The following RETREG3 variants were observed in gnomAD, a reference collection of about 807,000 sequenced individuals.
RETREG3 encodes reticulophagy regulator 3.
A neutral mutation model predicts 50.2 loss-of-function variants in RETREG3; 23 were observed. The observed-to-expected ratio is 0.46, with a 90% CI of 0.33 to 0.65. RETREG3 has a LOEUF of 0.65. Among genes scored for constraint, RETREG3 ranks in the 30% least tolerant of loss-of-function variants. RETREG3 has a pLI of 0.02. For missense variants in RETREG3, 546 were observed against 598.0 expected (o/e 0.91, Z 0.91); for synonymous variants, 240 against 234.4 (o/e 1.02, Z -0.22).
intron 1 of RETREG3, among the ~76,000 whole-genome samples, chr17:42,595,146 T>C (rs2093141611): frequency 6.6e-6 from 1 of 150,858 alleles, no homozygotes; most frequent in Non-Finnish European, 1.5e-5. Flanking sequence ...TTTTTGTATT[T>C]TTAGTAGAGA....
chr17:42,608,566 G>A (rs186560180), intron 1 of RETREG3: 314 of 152,460 alleles, frequency 2.1e-3, no homozygotes, highest in Non-Finnish European at 3.8e-3. Context: ...GGCTCACACT[G>A]ACGCTTAGAC....
chr17:42,591,057 A>T (rs2093132170), intron 2 of RETREG3, among the ~76,000 whole-genome samples: 1 of 152,226 alleles, frequency 6.6e-6, no homozygotes. Context: ...ATGAACCTTC[A>T]TCCTGGCCAT....
In RETREG3 at chr17:42,585,071, TCTC is replaced by T. The variant is rs1414156939; in HGVS notation, c.727+51_727+53del. 18 of 1,597,602 alleles carry T rather than the reference TCTC, an allele frequency of 1.1e-5. No homozygotes were observed. The Admixed American group carries it at 2.5e-4, about 22-fold the overall frequency. Reference sequence around the variant, plus strand: ...ACCCAGTATGTCAGACCTATGGGCTTCTCCTTTTCGCCCCAAATTGCGTAAGTG... The same window carrying T: ...ACCCAGTATGTCAGACCTATGGGCTTCTTTTCGCCCCAAATTGCGTAAGTG... On this transcript the variant is annotated intron_variant, in intron 6 of 8. Coordinates refer to ENST00000309428, the MANE Select transcript of RETREG3 (RefSeq NM_178126.4).
intron 2 of RETREG3, among the ~76,000 whole-genome samples, chr17:42,591,172 A>T (rs573122834): frequency 4.6e-5 from 7 of 152,316 alleles, no homozygotes; most frequent in Non-Finnish European, 8.8e-5. Flanking sequence ...AATCTGTTCA[A>T]ATCTTTTGCT....
intron 2 of RETREG3, among the ~76,000 whole-genome samples, chr17:42,591,211 T>C (rs1030127960): frequency 6.6e-6 from 1 of 152,230 alleles, no homozygotes; most frequent in Non-Finnish European, 1.5e-5. Flanking sequence ...AGGGAAAAAA[T>C]ACATGCTAAG....
intron 7 of RETREG3, among the ~76,000 whole-genome samples, chr17:42,583,192 T>A (rs931870595): frequency 3.9e-5 from 6 of 152,132 alleles, no homozygotes; most frequent in African/African-American, 1.4e-4. Flanking sequence ...GACCCAAGGG[T>A]GAACTGGGCT....
rs533786225 is a variant in RETREG3, at chr17:42,604,719, C to T, written c.239+4367G>A. Among the ~76,000 whole-genome samples, 14 of 126,536 alleles carry T rather than the reference C, an allele frequency of 1.1e-4. No individual in the cohort carries two copies. The South Asian group carries it at 3.1e-3, about 28-fold the overall frequency. 83.0% of individuals were successfully genotyped at this position (126,536 alleles called of 152,430 possible). On this transcript the variant is annotated intron_variant, in intron 1 of 8. Coordinates refer to ENST00000309428, the MANE Select transcript of RETREG3 (RefSeq NM_178126.4). ...CAAAAAAAAAAAAAAAAAAAAAAAA[C>T]TGAAAGAGCTCAGCAGTTATGTAGG... is the stretch of plus-strand genomic sequence containing the variant.
At position 42,585,142 on chromosome 17, in the gene RETREG3, T is replaced by A; in HGVS notation, c.710A>T (p.Lys237Met). The A allele has an allele frequency of 6.2e-7, 1 of 1,613,420 alleles. No individual in the cohort carries two copies. Among genetic ancestry groups the A allele is most frequent in the Non-Finnish European group, 8.5e-7 (1 of 1,180,008 alleles). The change falls in exon 6 of 9, where the codon AAG becomes ATG. Residue 237 changes from lysine (K) to methionine (M), a missense_variant. By Grantham distance (95) the Lys-to-Met change is moderately conservative. Transcript: ENST00000309428. ...ACACTTACATTGTCTCTCTCTCTGC[T>A]TGGACATCATGTAGCCACGGACACT... is the stretch of plus-strand genomic sequence containing the variant. ...DFSVRGYMMS[K>M]QRERQLRRRA... is the part of the protein sequence containing the mutation.
Position 42,581,955 on chromosome 17 carries a change from C to G in RETREG3, c.1259G>C (p.Gly420Ala). 1.9e-6 allele frequency: 3 copies of G among 1,614,084 alleles called. No individual in the cohort carries two copies. Among genetic ancestry groups the G allele is most frequent in the Non-Finnish European group, 2.5e-6 (3 of 1,180,014 alleles). ...TCTCGTTGCTCTCTGGGCAGGTGCT[C>G]CAGAAGGGCCTGGTTGGGAGGCCCC... The part of the protein sequence containing the change: ...LSGASQPGPS[G>A]APAQRATRGF... Residue 420 changes from glycine to alanine, a missense_variant, in exon 9 of 9, where the codon GGA becomes GCA. By Grantham distance (60) the Gly-to-Ala change is moderately conservative. Transcript: ENST00000309428.
chr17:42,597,590 TATATATATATATATATATATATATATATA>T lies in RETREG3; in HGVS notation c.240-5457_240-5429del, dbSNP rs2093148679. Among the ~76,000 whole-genome samples, 4 of 7,296 alleles carry T rather than the reference TATATATATATATATATATATATATATATA, an allele frequency of 5.5e-4. 1 individual carries two copies. The highest frequency in any genetic ancestry group is 1.4e-3 in the Non-Finnish European group (4 of 2,950). 4.8% of individuals were successfully genotyped at this position (7,296 alleles called of 152,430 possible). A position where few individuals can be genotyped will look rare whatever the true frequency, so the allele number is the denominator to read the frequency against. On this transcript the variant is annotated intron_variant, in intron 1 of 8. Coordinates refer to ENST00000309428, the MANE Select transcript of RETREG3 (RefSeq NM_178126.4). Reference sequence around the variant, plus strand: ...TATATATATTTTGTGTGTATATATATATATATATATATATATATATATATATATATTTTTTTTTTTTTTTTTTTTTTTTT... The same window carrying T: ...TATATATATTTTGTGTGTATATATATTTTTTTTTTTTTTTTTTTTTTTTTT...
intron 2 of RETREG3, among the ~76,000 whole-genome samples, chr17:42,590,322 G>C (rs1478848771): frequency 6.6e-6 from 1 of 152,148 alleles, no homozygotes; most frequent in Non-Finnish European, 1.5e-5. Context: ...AGTGAGCTAT[G>C]ATCATGCCAC....
intron 2 of RETREG3, among the ~76,000 whole-genome samples, chr17:42,590,333 T>C (rs562637144): frequency 5.1e-4 from 77 of 152,216 alleles, no homozygotes; most frequent in African/African-American, 1.8e-3. Flanking sequence ...ATCATGCCAC[T>C]GTACTCCAAA....
chr17:42,607,204 G>A (rs1356467267), intron 1 of RETREG3, among the ~76,000 whole-genome samples: 1 of 151,844 alleles, frequency 6.6e-6, no homozygotes, highest in Non-Finnish European at 1.5e-5. Context: ...TAGGGGTCAA[G>A]GAAGAAGCAC....
At chr17:42,596,359 C>CAAAAAAAAAA (rs60457978) in intron 1 of RETREG3, among the ~76,000 whole-genome samples, 39 of 64,714 alleles carry the variant, frequency 6.0e-4, no homozygotes, top group African/African-American at 1.7e-3. Flanking sequence ...GACCCTTTCT[C>CAAAAAAAAAA]AAAAAAAAAA....
intron 2 of RETREG3, among the ~76,000 whole-genome samples, chr17:42,590,084 G>A (rs1192044526): frequency 1.3e-5 from 2 of 152,094 alleles, no homozygotes; most frequent in Non-Finnish European, 2.9e-5. Flanking sequence ...CACGCCTGTC[G>A]TCCCAGCTAC....
At position 42,585,244 on chromosome 17, in the gene RETREG3, C is replaced by G; in HGVS notation, c.608G>C (p.Trp203Ser). The G allele has an allele frequency of 6.2e-7, 1 of 1,613,814 alleles. No homozygotes were observed. Among genetic ancestry groups the G allele is most frequent in the Non-Finnish European group, 8.5e-7 (1 of 1,179,918 alleles). ...CAGTCGGTGGTACACAGCAAGGGGC[C>G]ACATCATGACAGTGACAACTGTGAG... is the stretch of plus-strand genomic sequence containing the variant. The part of the protein sequence containing the change: ...SYLMLVTVMM[W>S]PLAVYHRLWD... Residue 203 changes from tryptophan (W) to serine (S), a missense_variant, in exon 6 of 9, where the codon TGG becomes TCG. Coordinates refer to ENST00000309428, the MANE Select transcript of RETREG3 (RefSeq NM_178126.4).
chr17:42,601,297 A>G (rs2093157930), intron 1 of RETREG3, among the ~76,000 whole-genome samples: 1 of 148,240 alleles, frequency 6.7e-6, no homozygotes, highest in African/African-American at 2.5e-5. Flanking sequence ...AAATAAACTA[A>G]GACGGTGGCT....
rs1384678822 is a variant in RETREG3, at chr17:42,586,829, A to C, written c.440T>G (p.Val147Gly). 2 of 1,614,070 alleles carry C rather than the reference A, an allele frequency of 1.2e-6. No homozygotes were observed. Among genetic ancestry groups the C allele is most frequent in the African/African-American group, 1.3e-5 (1 of 74,936 alleles). Residue 147 changes from valine to glycine, a missense_variant, in exon 4 of 9, where the codon GTC becomes GGC. Physicochemically the swap from Val to Gly is moderately radical, Grantham distance 109. Transcript: ENST00000309428. ...VPELCHHVAE[V>G]WVSGTIFIRN... ...TATGAAAATGGTCCCACTAACCCAG[A>C]CTTCAGCTACATGGTGGCAGAGCTC...
In RETREG3 at chr17:42,609,349, G is replaced by A. The variant is rs1436116390; in HGVS notation, c.-25C>T. 5 of 1,585,202 alleles carry A rather than the reference G, an allele frequency of 3.2e-6. No individual in the cohort carries two copies. Among genetic ancestry groups the A allele is most frequent in the African/African-American group, 2.7e-5 (2 of 74,544 alleles). On this transcript the variant is annotated 5_prime_UTR_variant, in exon 1 of 9. Coordinates refer to ENST00000309428, the MANE Select transcript of RETREG3 (RefSeq NM_178126.4). The stretch of plus-strand genomic sequence containing the variant: ...TCTCCCCGCGGCAGCCACAACATCC[G>A]GGGCCGTGGCCCGACAAGTCACAAT...
Sources: gnomAD v4.1 joint callset for allele counts (sites outside exome capture counted in the v4.1 genomes callset) on GRCh38, gnomAD v4.1.1 for gene constraint, MANE v1.5 for transcripts, NCBI Gene and HGNC (gene_info 2026-07-23, HGNC 2026-07-21) for gene names.